CSMD1: variants seen among roughly 807,000 people sequenced by gnomAD.
CSMD1 encodes the protein CUB and sushi domain-containing protein 1.
In CSMD1, 213 loss-of-function variants were observed where a neutral mutation model predicts 417.5. The observed-to-expected ratio is 0.51, with a 90% CI of 0.46 to 0.57. CSMD1 has a LOEUF of 0.57. Among genes scored for constraint, CSMD1 ranks in the 20% least tolerant of loss-of-function variants. The pLI is 0.00. For missense variants in CSMD1, 6,923 were observed against 4,529.7 expected (o/e 1.53, Z -15.17); for synonymous variants, 2,862 against 1,736.8 (o/e 1.65, Z -16.11).
intron 52 of CSMD1, among the ~76,000 whole-genome samples, chr8:3,018,274 C>T (rs1726389079): frequency 6.6e-6 from 1 of 152,164 alleles, no homozygotes; most frequent in Admixed American, 6.5e-5. Context: ...GCACTTAAGG[C>T]AATATATGAC....
intron 11 of CSMD1, among the ~76,000 whole-genome samples, chr8:3,483,296 G>C (rs182171173): frequency 2.0e-5 from 3 of 152,092 alleles, no homozygotes; most frequent in East Asian, 1.9e-4. Context: ...AAATAAAATA[G>C]AGGCTATTAC....
chr8:3,995,010 G>T (rs1361663080), intron 5 of CSMD1, among the ~76,000 whole-genome samples: 2 of 152,106 alleles, frequency 1.3e-5, no homozygotes, highest in Admixed American at 1.3e-4. Context: ...AGAGGTCGCA[G>T]CACCCACAAT....
chr8:4,713,265 C>T (rs796935571), intron 1 of CSMD1, among the ~76,000 whole-genome samples: 26 of 152,342 alleles, frequency 1.7e-4, no homozygotes, highest in African/African-American at 6.0e-4. Context: ...GAATGCGGAG[C>T]AGGAGAGTGT....
intron 1 of CSMD1, among the ~76,000 whole-genome samples, chr8:4,736,762 T>A (rs1810273080): frequency 6.6e-6 from 1 of 152,210 alleles, no homozygotes; most frequent in Non-Finnish European, 1.5e-5. Context: ...GCAGGTTTCA[T>A]GTTTGTGTCC....
At chr8:3,969,786 G>A (rs1413159165) in intron 5 of CSMD1, among the ~76,000 whole-genome samples, 1 of 152,124 alleles carries the variant, frequency 6.6e-6, no homozygotes, top group African/African-American at 2.4e-5. Context: ...CACTGAAGAA[G>A]AAATCTAACC....
chr8:3,869,046 G>C (rs1221531938), intron 5 of CSMD1, among the ~76,000 whole-genome samples: 2 of 152,194 alleles, frequency 1.3e-5, no homozygotes, highest in African/African-American at 4.8e-5. Flanking sequence ...AGTGCCCTCA[G>C]GGTCCCTTCG....
intron 5 of CSMD1, among the ~76,000 whole-genome samples, chr8:3,926,118 C>G (rs949445357): frequency 7.7e-6 from 1 of 130,706 alleles, no homozygotes; most frequent in African/African-American, 3.1e-5. Context: ...CACACACACA[C>G]ACACACACAC....
intron 5 of CSMD1, among the ~76,000 whole-genome samples, chr8:3,937,804 A>T (rs1156464564): frequency 6.6e-6 from 1 of 152,166 alleles, no homozygotes; most frequent in Non-Finnish European, 1.5e-5. Flanking sequence ...ATGTTACTTC[A>T]ATTACTGCTT....
At chr8:3,392,093 C>G (rs542849823) in intron 17 of CSMD1, among the ~76,000 whole-genome samples, 1 of 124,658 alleles carries the variant, frequency 8.0e-6, no homozygotes, top group Admixed American at 1.0e-4. Flanking sequence ...ACATCACACA[C>G]CAGGGCCTGT....
intron 1 of CSMD1, among the ~76,000 whole-genome samples, chr8:4,899,508 G>C (rs1804724598): frequency 6.6e-6 from 1 of 152,120 alleles, no homozygotes. Flanking sequence ...AGATCTCATT[G>C]TCTCACAAAA....
intron 6 of CSMD1, among the ~76,000 whole-genome samples, chr8:3,744,421 T>A (rs531641269): frequency 6.6e-6 from 1 of 152,152 alleles, no homozygotes; most frequent in Non-Finnish European, 1.5e-5. Flanking sequence ...TTTTATTCCA[T>A]AGAAAGATTT....
intron 18 of CSMD1, 48 bp from the exon 19 acceptor site, chr8:3,369,418 A>T (rs1244305520): frequency 2.2e-6 from 2 of 895,620 alleles, no homozygotes; most frequent in Non-Finnish European, 3.6e-6. Flanking sequence ...TTTCACAATG[A>T]TTGCCAGAAC....
At chr8:4,698,592 A>T (rs1420152455) in intron 1 of CSMD1, among the ~76,000 whole-genome samples, 1 of 112,078 alleles carries the variant, frequency 8.9e-6, no homozygotes, top group Non-Finnish European at 1.7e-5. Context: ...AATGGAAATG[A>T]TAGAAATTTT....
intron 25 of CSMD1, among the ~76,000 whole-genome samples, chr8:3,298,097 G>A (rs747669534): frequency 1.3e-5 from 2 of 152,154 alleles, no homozygotes; most frequent in African/African-American, 2.4e-5. Context: ...TTGTTGGTTA[G>A]AAAGTGAAGT....
At chr8:4,980,171 T>C (rs558041440) in intron 1 of CSMD1, among the ~76,000 whole-genome samples, 3 of 152,372 alleles carry the variant, frequency 2.0e-5, no homozygotes, top group East Asian at 1.9e-4. Flanking sequence ...CAGAGAGTTC[T>C]GTGTCACCAG....
intron 61 of CSMD1, among the ~76,000 whole-genome samples, 153 bp downstream of exon 61, chr8:2,962,313 C>T (rs77756099): frequency 1.1e-3 from 166 of 152,292 alleles, no homozygotes; most frequent in Non-Finnish European, 1.7e-3. Context: ...CTGATGAGTG[C>T]GCAATCCTAC....
chr8:4,448,917 A>T (rs902113117), intron 2 of CSMD1, among the ~76,000 whole-genome samples: 1 of 152,146 alleles, frequency 6.6e-6, no homozygotes, highest in Non-Finnish European at 1.5e-5. Context: ...TTCATCTATT[A>T]AGTTCAAAAT....
chr8:3,578,785 T>G (rs1800259671), intron 9 of CSMD1, among the ~76,000 whole-genome samples: 1 of 152,170 alleles, frequency 6.6e-6, no homozygotes, highest in South Asian at 2.1e-4. Context: ...GAAACTTCTT[T>G]CCTTCCCTTA....
chr8:3,582,760 T>G (rs1290561429), intron 9 of CSMD1, among the ~76,000 whole-genome samples: 1 of 152,220 alleles, frequency 6.6e-6, no homozygotes, highest in Admixed American at 6.5e-5. Context: ...AGCATGATAC[T>G]ATTTGGGAGT....
Sources: allele counts gnomAD v4.1 joint callset (sites outside exome capture counted in the v4.1 genomes callset), GRCh38; gene constraint gnomAD v4.1.1; transcripts MANE v1.5; gene names NCBI Gene and HGNC (gene_info 2026-07-23, HGNC 2026-07-21).